F11: variants seen among roughly 807,000 people sequenced by gnomAD.
The protein encoded by F11 is coagualtion factor XI.
In F11, 78 loss-of-function variants were observed where a neutral mutation model predicts 76.5. That is an observed-to-expected ratio of 1.02 (90% CI 0.85 to 1.23). The LOEUF is 1.23. Among genes scored for constraint, F11 ranks in the 50% most tolerant of loss-of-function variants. The probability of loss-of-function intolerance (pLI) is 0.00; values close to 1 mark genes in which losing one functional copy is unlikely to be tolerated. For missense variants in F11, 742 were observed against 771.4 expected, an observed-to-expected ratio of 0.96 and a Z score of 0.45; for synonymous variants, 278 against 276.3, an observed-to-expected ratio of 1.01 and a Z score of -0.06.
chr4:186,282,443 A>T, intron 10 of F11: 1 of 985,414 alleles, frequency 1.0e-6, no homozygotes, highest in South Asian at 4.7e-5. Flanking sequence ...TGAGATATTT[A>T]TGGTGCCTTG....
Position 186,271,709 on chromosome 4 carries a change from C to A in F11, c.156C>A (p.Tyr52Ter). The A allele has an allele frequency of 1.2e-6, 2 of 1,614,188 alleles. No individual in the cohort carries two copies. Among genetic ancestry groups the A allele is most frequent in the South Asian group, 1.1e-5 (1 of 91,090 alleles). ...SAKYCQVVCTYHPRCLLFTFT... is the reference protein window; with the variant it reads ...SAKYCQVVCT Reference sequence around the variant, plus strand: ...AGTACTGCCAGGTAGTCTGCACTTACCACCCAAGATGTTTACTCTTCACTT... The same window carrying A: ...AGTACTGCCAGGTAGTCTGCACTTAACACCCAAGATGTTTACTCTTCACTT... The change falls in exon 3 of 15, where the codon TAC (tyrosine) becomes TAA (stop). Residue 52 changes from tyrosine (Y) to a stop codon, truncating the protein, a stop_gained. Coordinates refer to ENST00000403665, the MANE Select transcript of F11 (RefSeq NM_000128.4). LOFTEE classifies it high-confidence loss of function.
At chr4:186,289,733 A>G (rs1232766332), downstream of F11, among the ~76,000 whole-genome samples, 8 of 147,356 alleles carry the variant, frequency 5.4e-5, no homozygotes, top group African/African-American at 1.8e-4. Flanking sequence ...CCCAAGCTGG[A>G]GTGCAGTGGT....
Position 186,285,624 on chromosome 4 carries a change from T to C in F11, c.1305-14T>C, listed in dbSNP as rs199761451. The C allele has an allele frequency of 1.5e-4, 249 of 1,613,614 alleles. No individual in the cohort carries two copies. Among genetic ancestry groups the C allele is most frequent in the Non-Finnish European group, 1.9e-4 (230 of 1,179,628 alleles). ...GTAAAGGAAATTTCTTTCCCTCTGT[T>C]GTTTGCTCCTTAGGGTAGAGTCACC... On this transcript the variant is annotated splice_polypyrimidine_tract_variant and intron_variant, in intron 11 of 14. Transcript: ENST00000403665.
At position 186,284,134 on chromosome 4, in the gene F11, C is replaced by T. The variant is rs547842083; in HGVS notation, c.1178C>T (p.Ala393Val). The T allele has an allele frequency of 3.8e-5, 61 of 1,614,198 alleles. No individual in the cohort carries two copies. Among genetic ancestry groups the T allele is most frequent in the Non-Finnish European group, 4.8e-5 (57 of 1,180,026 alleles). ...AAGCCCAGGATCGTTGGAGGAACTG[C>T]GTCTGTTCGTGGTGAGTGGCCGTGG... is the stretch of plus-strand genomic sequence containing the variant. ...KIKPRIVGGT[A>V]SVRGEWPWQV... The change falls in exon 11 of 15, where the codon GCG becomes GTG. Residue 393 changes from alanine (A) to valine (V), a missense_variant. Ala to Val is a moderately conservative substitution (Grantham distance 64). Transcript: ENST00000403665.
intron 11 of F11, 79 bp from the exon 12 acceptor site, chr4:186,285,559 A>T: frequency 7.1e-7 from 1 of 1,407,638 alleles, no homozygotes; most frequent in Non-Finnish European, 1.0e-6. Flanking sequence ...AGTAATAATT[A>T]AACAGCCACA....
At chr4:186,283,060 A>G in intron 10 of F11, 2 of 984,544 alleles carry the variant, frequency 2.0e-6, no homozygotes, top group Non-Finnish European at 2.4e-6. Flanking sequence ...GGTTATTCTA[A>G]ATGTGATCTG....
In F11 at chr4:186,286,331, T is replaced by C. The variant is rs182695508; in HGVS notation, c.1481-84T>C. 22 of 1,229,544 alleles carry C rather than the reference T, an allele frequency of 1.8e-5. No individual in the cohort carries two copies. In the Admixed American group the frequency reaches 2.9e-4, roughly 16 times the overall value. 76.2% of individuals were successfully genotyped at this position (1,229,544 alleles called of 1,614,324 possible). On this transcript the variant is annotated intron_variant, in intron 12 of 14. Transcript: ENST00000403665. ...ATATAGTAAACAAAGAAAACACAGATAATGTACAGTGGAAGAAGAGTCTCT... is the reference window on the plus strand; with the variant it reads ...ATATAGTAAACAAAGAAAACACAGACAATGTACAGTGGAAGAAGAGTCTCT...
In F11 at chr4:186,276,355, C is replaced by A. The variant is rs1740381674; in HGVS notation, c.720C>A (p.Thr240=). ...CTHHPGCLFF[T]FFSQEWPKES... is the part of the protein sequence containing the mutation. Reference sequence around the variant, plus strand: ...ATCATCCCGGTTGCTTGTTTTTTACCTTCTTTTCCCAGGAATGGCCCAAAG... The same window carrying A: ...ATCATCCCGGTTGCTTGTTTTTTACATTCTTTTCCCAGGAATGGCCCAAAG... The change falls in exon 7 of 15, where the codon ACC becomes ACA. Residue 240 remains threonine (T), a synonymous_variant. Coordinates refer to ENST00000403665, the MANE Select transcript of F11 (RefSeq NM_000128.4). 6.2e-7 allele frequency: 1 copy of A among 1,613,866 alleles called. No individual in the cohort carries two copies. The highest frequency in any genetic ancestry group is 1.3e-5 in the African/African-American group (1 of 74,876).
chr4:186,287,578 C>T (rs546099339), intron 13 of F11, 106 bp from the exon 14 acceptor site: 11 of 401,508 alleles, frequency 2.7e-5, no homozygotes, highest in Non-Finnish European at 3.4e-5. Flanking sequence ...AAAGAGACTC[C>T]GTCTCAATTA....
At position 186,288,446 on chromosome 4, in the gene F11, G is replaced by A. The variant is rs778179698; in HGVS notation, c.1717-7G>A. 8.2e-5 allele frequency: 132 copies of A among 1,613,866 alleles called. 1 individual carries two copies. The highest frequency in any genetic ancestry group is 4.9e-4 in the Middle Eastern group (3 of 6,082). On this transcript the variant is annotated splice_region_variant and splice_polypyrimidine_tract_variant and intron_variant, in intron 14 of 14. Coordinates refer to ENST00000403665, the MANE Select transcript of F11 (RefSeq NM_000128.4). ...TGTGCACCTTTTCTTGTCTCCCCTC[G>A]TTCTAGGGAGATTCGGGAGGCCCTC...
rs541475156 is a variant in F11 at position 186,289,658 on chromosome 4, C to T, written c.*1044C>T. On this transcript the variant is annotated 3_prime_UTR_variant, in exon 15 of 15. Coordinates refer to ENST00000403665, the MANE Select transcript of F11 (RefSeq NM_000128.4). ...CCACATAGCTTTCAATCTGTGCCAA[C>T]AACTATACAATTCATCAAGTGTGAT... Among the ~76,000 whole-genome samples the T allele has an allele frequency of 2.7e-5, 4 of 150,286 alleles. No individual in the cohort carries two copies. Among genetic ancestry groups the T allele is most frequent in the Non-Finnish European group, 5.9e-5 (4 of 67,800 alleles).
At chr4:186,274,430 T>A in intron 5 of F11, 155 bp downstream of exon 5, 1 of 908,692 alleles carries the variant, frequency 1.1e-6, no homozygotes, top group Non-Finnish European at 1.7e-6. Context: ...AAAAATACAC[T>A]TAAAGCCTAA....
intron 10 of F11, chr4:186,283,008 T>A (rs1740909387): frequency 1.0e-6 from 1 of 985,358 alleles, no homozygotes; most frequent in African/African-American, 1.7e-5. Context: ...CTTAGACTCC[T>A]CCCTTAGCTC....
intron 5 of F11, 112 bp from the exon 6 acceptor site, chr4:186,275,675 T>G: frequency 1.3e-6 from 1 of 758,336 alleles, no homozygotes. Context: ...CCCAGATGGA[T>G]GCTTCGGGGT....
intron 13 of F11, 121 bp from the exon 14 acceptor site, chr4:186,287,563 G>A (rs932404620): frequency 2.1e-5 from 7 of 333,828 alleles, no homozygotes; most frequent in Admixed American, 1.1e-4. Flanking sequence ...CAGCCTGGGC[G>A]ACAGAAAGAG....
At chr4:186,266,629 GATAA>G (rs1739518193) in intron 1 of F11, among the ~76,000 whole-genome samples, 1 of 152,166 alleles carries the variant, frequency 6.6e-6, no homozygotes, top group Non-Finnish European at 1.5e-5. Flanking sequence ...GCTTACTGGA[GATAA>G]ATAGATTTAT....
intron 10 of F11, chr4:186,281,787 A>T: frequency 1.2e-6 from 1 of 863,806 alleles, no homozygotes; most frequent in Non-Finnish European, 1.5e-6. Flanking sequence ...TGATAGTTTT[A>T]GAAGCACAAA....
intron 12 of F11, 66 bp from the exon 13 acceptor site, chr4:186,286,349 G>C (rs1741205777): frequency 2.2e-6 from 3 of 1,334,716 alleles, no homozygotes; most frequent in Non-Finnish European, 3.2e-6. Context: ...AGTGGAAGAA[G>C]AGTCTCTTCT....
In F11 at chr4:186,288,630, C is replaced by T; in HGVS notation, c.*16C>T. The T allele has an allele frequency of 6.2e-7, 1 of 1,610,624 alleles. No homozygotes were observed. The highest frequency in any genetic ancestry group is 8.5e-7 in the Non-Finnish European group (1 of 1,178,180). On this transcript the variant is annotated 3_prime_UTR_variant, in exon 15 of 15. Transcript: ENST00000403665. ...AGCAGTGTGAATGGGTTCCCAGGGG[C>T]CATTGGAGTCCCTGAAGGACCCAGG... is the stretch of plus-strand genomic sequence containing the variant.
Sources: gnomAD v4.1 joint callset for allele counts (sites outside exome capture counted in the v4.1 genomes callset) on GRCh38, gnomAD v4.1.1 for gene constraint, MANE v1.5 for transcripts, NCBI Gene and HGNC (gene_info 2026-07-23, HGNC 2026-07-21) for gene names.